ELFN2: variants seen among roughly 807,000 people sequenced by gnomAD.
ELFN2 encodes extracellular leucine rich repeat and fibronectin type III domain containing 2, also known as protein phosphatase 1 regulatory subunit 29.
In ELFN2, 17 loss-of-function variants were observed where a neutral mutation model predicts 45.5. The ratio of observed to expected loss-of-function variants is 0.37; its 90% CI spans 0.26 to 0.56. The LOEUF is 0.56. Ranked by LOEUF, ELFN2 falls within the 20% of genes least tolerant of loss-of-function variation. ELFN2 has a pLI of 0.77. For synonymous variants in ELFN2, 550 were observed against 551.5 expected (o/e 1.00, Z 0.04); for missense variants, 922 against 1,183.2 (o/e 0.78, Z 3.24).
At chr22:37,405,117 C>T (rs983519010) in intron 2 of ELFN2, among the ~76,000 whole-genome samples, 2 of 77,496 alleles carry the variant, frequency 2.6e-5, no homozygotes, top group Middle Eastern at 7.2e-3. Context: ...TTTTTTGAGA[C>T]GGAGTCTCGC....
At chr22:37,387,980 C>T (rs535058746) in intron 2 of ELFN2, among the ~76,000 whole-genome samples, 58 of 152,008 alleles carry the variant, frequency 3.8e-4, no homozygotes, top group African/African-American at 1.3e-3. Flanking sequence ...GCTTCTCTCC[C>T]AGTTCCCAGA....
At chr22:37,363,931 G>A (rs1483291675), downstream of ELFN2, among the ~76,000 whole-genome samples, 1 of 152,194 alleles carries the variant, frequency 6.6e-6, no homozygotes. Flanking sequence ...CTAGCATCAG[G>A]TCTCCTTCCT....
chr22:37,348,557 G>A (rs1241039337), intron 1 of ELFN2, among the ~76,000 whole-genome samples: 2 of 150,736 alleles, frequency 1.3e-5, no homozygotes, highest in Admixed American at 6.6e-5. Flanking sequence ...AGCAAGGTCC[G>A]GAAGGTGAGG....
At position 37,374,262 on chromosome 22, in the gene ELFN2, G is replaced by C. The variant is rs1427755593; in HGVS notation, c.1273C>G (p.Gln425Glu). The C allele has an allele frequency of 2.5e-6, 4 of 1,613,858 alleles. No homozygotes were observed. The highest frequency in any genetic ancestry group is 1.7e-5 in the Admixed American group (1 of 60,008). ...VYYCLRKRRMQEEKQKSVNVK... is the reference protein window; with the variant it reads ...VYYCLRKRRMEEEKQKSVNVK... ...TTGACAGACTTCTGCTTCTCCTCCT[G>C]CATGCGCCGCTTGCGCAGGCAGTAG... Residue 425 changes from glutamine (Q) to glutamate (E), a missense_variant, in exon 3 of 3, where the codon CAG becomes GAG. By Grantham distance (29) the Gln-to-Glu change is conservative. Coordinates refer to ENST00000402918, the MANE Select transcript of ELFN2 (RefSeq NM_052906.5).
At chr22:37,379,463 C>T (rs565030188) in intron 2 of ELFN2, among the ~76,000 whole-genome samples, 1 of 152,294 alleles carries the variant, frequency 6.6e-6, no homozygotes, top group South Asian at 2.1e-4. Context: ...GCAGGGCTCC[C>T]GTGCCCTGGC....
At chr22:37,397,803 CCGGGCTGGGCATTTTACAGGCGTTCTGG>C (rs1331295673) in intron 2 of ELFN2, among the ~76,000 whole-genome samples, 45 of 152,066 alleles carry the variant, frequency 3.0e-4, no homozygotes, top group African/African-American at 1.1e-3. Flanking sequence ...GAACGAGCTA[CCGGGCTGGGCATTTTACAGGCGTTCTGG>C]GAGGCTGTGG....
intron 2 of ELFN2, among the ~76,000 whole-genome samples, chr22:37,388,713 C>T (rs1932017548): frequency 6.6e-6 from 1 of 152,196 alleles, no homozygotes; most frequent in Non-Finnish European, 1.5e-5. Context: ...CTGTCACTCC[C>T]TTGAGTTTGA....
chr22:37,381,612 C>T (rs961730544), intron 2 of ELFN2, among the ~76,000 whole-genome samples: 5 of 152,120 alleles, frequency 3.3e-5, no homozygotes, highest in African/African-American at 1.2e-4. Flanking sequence ...GGTCCCCTGA[C>T]AGCAGCCAGC....
chr22:37,360,505 C>T (rs945879107), intron 1 of ELFN2, among the ~76,000 whole-genome samples: 2 of 152,234 alleles, frequency 1.3e-5, no homozygotes, highest in Admixed American at 6.5e-5. Context: ...TGACTCGTCC[C>T]TCAGTGAAGT....
At chr22:37,362,600 G>A (rs1399246913) in intron 1 of ELFN2, among the ~76,000 whole-genome samples, 1 of 152,222 alleles carries the variant, frequency 6.6e-6, no homozygotes, top group African/African-American at 2.4e-5. Flanking sequence ...GGGTCTTTGG[G>A]CCCTGACCTC....
downstream of ELFN2, among the ~76,000 whole-genome samples, chr22:37,366,133 G>A (rs1048795971): frequency 1.5e-4 from 23 of 152,344 alleles, no homozygotes; most frequent in Middle Eastern, 3.4e-3. Context: ...TTATGAAGCG[G>A]GGAGTAGCTA....
chr22:37,375,155 C>T lies in ELFN2; in HGVS notation c.380G>A (p.Ser127Asn). 5.0e-6 allele frequency: 8 copies of T among 1,613,950 alleles called. No individual in the cohort carries two copies. Among genetic ancestry groups the T allele is most frequent in the Non-Finnish European group, 6.8e-6 (8 of 1,180,024 alleles). ...NLTEGMLRGMSRLQFLFVQHN... is the reference protein window; with the variant it reads ...NLTEGMLRGMNRLQFLFVQHN... Reference sequence around the variant, plus strand: ...CTGGACAAAGAGGAACTGCAGGCGGCTCATGCCTCGCAGCATGCCCTCCGT... The same window carrying T: ...CTGGACAAAGAGGAACTGCAGGCGGTTCATGCCTCGCAGCATGCCCTCCGT... Residue 127 changes from serine to asparagine, a missense_variant, in exon 3 of 3, where the codon AGC (serine) becomes AAC (asparagine). Transcript: ENST00000402918.
intron 2 of ELFN2, among the ~76,000 whole-genome samples, chr22:37,387,264 T>C (rs1931973162): frequency 6.6e-6 from 1 of 152,060 alleles, no homozygotes; most frequent in Non-Finnish European, 1.5e-5. Context: ...TCGGTTTCTC[T>C]CCCAGCGCCA....
At chr22:37,362,806 A>G (rs1931121047) in intron 1 of ELFN2, among the ~76,000 whole-genome samples, 1 of 152,218 alleles carries the variant, frequency 6.6e-6, no homozygotes, top group Admixed American at 6.5e-5. Flanking sequence ...GTGAGGCATC[A>G]GCCCAACCCT....
At chr22:37,424,684 G>GT (rs925670312) in intron 1 of ELFN2, among the ~76,000 whole-genome samples, 26 of 152,144 alleles carry the variant, frequency 1.7e-4, no homozygotes, top group African/African-American at 5.5e-4. Context: ...GGGCGGCGGG[G>GT]GGGGGGATGG....
rs1274364315 is a variant in ELFN2, at chr22:37,374,917, G to T, written c.618C>A (p.Val206=). The change falls in exon 3 of 3, where the codon GTC becomes GTA. Residue 206 remains valine (V), a synonymous_variant. Coordinates refer to ENST00000402918, the MANE Select transcript of ELFN2 (RefSeq NM_052906.5). ...ACTGCAGGCGGTCGTAGTTCTTGGTGACGTTGTTGAAGACCACCAGCCAGG... is the reference window on the plus strand; with the variant it reads ...ACTGCAGGCGGTCGTAGTTCTTGGTTACGTTGTTGAAGACCACCAGCCAGG... ...FLAWLVVFNN[V]TKNYDRLQCE... is the part of the protein sequence containing the mutation. 6.2e-7 allele frequency: 1 copy of T among 1,612,626 alleles called. No homozygotes were observed. The highest frequency in any genetic ancestry group is 1.7e-5 in the Admixed American group (1 of 60,012).
downstream of ELFN2, among the ~76,000 whole-genome samples, chr22:37,364,797 C>CT (rs1931165479): frequency 6.6e-6 from 1 of 152,206 alleles, no homozygotes; most frequent in African/African-American, 2.4e-5. Flanking sequence ...GGCTCTGCCT[C>CT]TGGGAAGCAA....
In ELFN2 at chr22:37,417,659, AAC is replaced by A. The variant is rs1932776065; in HGVS notation, c.-463+108_-463+109del. The A allele has an allele frequency of 6.6e-6, 1 of 152,606 alleles. No homozygotes were observed. Among genetic ancestry groups the A allele is most frequent in the Admixed American group, 6.5e-5 (1 of 15,312 alleles). 9.5% of individuals were successfully genotyped at this position (152,606 alleles called of 1,614,324 possible). ...GGCAGGGGCCAGGCCCACAAGAAGG[AAC>A]ACACAGAAGCCTGAGGCTGGGCCAC... On this transcript the variant is annotated intron_variant, in intron 2 of 2. Transcript: ENST00000402918. This position sits in a 1 kb window ranked among gnomAD's most constrained non-coding sequence, Gnocchi z 4.5.
chr22:37,348,360 G>A (rs1197866367), intron 1 of ELFN2, among the ~76,000 whole-genome samples: 2 of 151,424 alleles, frequency 1.3e-5, no homozygotes, highest in Admixed American at 1.3e-4. Flanking sequence ...TCCAGGCTCA[G>A]TGGAGACAGG....
Sources: gnomAD v4.1 joint callset for allele counts (sites outside exome capture counted in the v4.1 genomes callset) on GRCh38, gnomAD v4.1.1 for gene constraint, Gnocchi (gnomAD v3.1) non-coding constraint, MANE v1.5 for transcripts, NCBI Gene and HGNC (gene_info 2026-07-23, HGNC 2026-07-21) for gene names.